The following NAPEPLD variants were observed in gnomAD, a reference collection of about 807,000 sequenced individuals.
NAPEPLD encodes N-acyl-phosphatidylethanolamine-hydrolyzing phospholipase D.
NAPEPLD carries 23 observed loss-of-function variants against 38.1 expected under a neutral mutation model. The observed-to-expected ratio is 0.60, with a 90% CI of 0.43 to 0.86. The LOEUF (loss-of-function observed/expected upper bound fraction) is 0.86, where lower values mean the gene tolerates loss of function less well. Among genes scored for constraint, NAPEPLD ranks in the 40% least tolerant of loss-of-function variants. The probability of loss-of-function intolerance (pLI) is 0.00; values close to 1 mark genes in which losing one functional copy is unlikely to be tolerated. For missense variants in NAPEPLD, 411 were observed against 476.8 expected, an observed-to-expected ratio of 0.86 and a Z score of 1.28; for synonymous variants, 147 against 162.0, an observed-to-expected ratio of 0.91 and a Z score of 0.71.
At position 103,101,797 on chromosome 7, in the gene NAPEPLD, ATAAAT is replaced by A; in HGVS notation, c.*1627_*1631del. The A allele has an allele frequency of 6.6e-6, 1 of 152,490 alleles. No individual in the cohort carries two copies. Among genetic ancestry groups the A allele is most frequent in the Middle Eastern group, 3.4e-3 (1 of 294 alleles). The allele number at this position is 152,490 out of a possible 1,614,324, so 9.4% of individuals were successfully genotyped here. A position where few individuals can be genotyped will look rare whatever the true frequency, so the allele number is the denominator to read the frequency against. ...TGGCACCACACATACAGGTGTGCAAATAAATTATAGAGCACTGCCTGGGTAGCATT... is the reference window on the plus strand; with the variant it reads ...TGGCACCACACATACAGGTGTGCAAATATAGAGCACTGCCTGGGTAGCATT... On this transcript the variant is annotated 3_prime_UTR_variant, in exon 5 of 5. Coordinates refer to ENST00000465647, the MANE Select transcript of NAPEPLD (RefSeq NM_001122838.3).
At position 103,120,079 on chromosome 7, in the gene NAPEPLD, C is replaced by G. The variant is rs1268776242; in HGVS notation, c.439G>C (p.Asp147His). 2 of 1,614,064 alleles carry G rather than the reference C, an allele frequency of 1.2e-6. No homozygotes were observed. Among genetic ancestry groups the G allele is most frequent in the African/African-American group, 2.7e-5 (2 of 74,920 alleles). Residue 147 changes from aspartate (D) to histidine (H), a missense_variant, in exon 3 of 5, where the codon GAT becomes CAT. Coordinates refer to ENST00000465647, the MANE Select transcript of NAPEPLD (RefSeq NM_001122838.3). Reference sequence around the variant, plus strand: ...GAAGCACGAGAGCTAAAGATGGGATCCGTGAGAAATATGAGCTCATCCATT... The same window carrying G: ...GAAGCACGAGAGCTAAAGATGGGATGCGTGAGAAATATGAGCTCATCCATT... ...VEMDELIFLT[D>H]PIFSSRASPS...
intron 1 of NAPEPLD, among the ~76,000 whole-genome samples, chr7:103,137,507 T>A (rs1810310706): frequency 6.6e-6 from 1 of 152,200 alleles, no homozygotes; most frequent in Non-Finnish European, 1.5e-5. Flanking sequence ...AATATCATGT[T>A]ACGGTAAATT....
At position 103,115,068 on chromosome 7, in the gene NAPEPLD, C is replaced by G; in HGVS notation, c.1048G>C (p.Ala350Pro). The change falls in exon 4 of 5, where the codon GCA (alanine) becomes CCA (proline). Residue 350 changes from alanine to proline, a missense_variant. By Grantham distance (27) the Ala-to-Pro change is conservative (BLOSUM62 -1). Coordinates refer to ENST00000465647, the MANE Select transcript of NAPEPLD (RefSeq NM_001122838.3). ...ATCGCAATCAAACTTACCTCATTTG[C>G]TAAGGCAAAAGTTCCCCAGTGAATT... ...MAIHWGTFAL[A>P]NEHYLEPPVK... 6.2e-7 allele frequency: 1 copy of G among 1,612,526 alleles called. No homozygotes were observed. The highest frequency in any genetic ancestry group is 8.5e-7 in the Non-Finnish European group (1 of 1,179,258).
intron 1 of NAPEPLD, among the ~76,000 whole-genome samples, chr7:103,142,852 C>T (rs918616025): frequency 1.4e-4 from 22 of 152,030 alleles, no homozygotes; most frequent in African/African-American, 4.8e-4. Context: ...TGCTAGGAGT[C>T]AAATAATAGA....
At chr7:103,113,055 C>T (rs921021023) in intron 4 of NAPEPLD, among the ~76,000 whole-genome samples, 4 of 152,170 alleles carry the variant, frequency 2.6e-5, no homozygotes, top group Non-Finnish European at 4.4e-5. Context: ...GCTATTGAAG[C>T]TAAAAATCTA....
intron 1 of NAPEPLD, among the ~76,000 whole-genome samples, chr7:103,144,080 T>C (rs1243479789): frequency 6.6e-6 from 1 of 152,238 alleles, no homozygotes; most frequent in Non-Finnish European, 1.5e-5. Flanking sequence ...CAGAGTTTAA[T>C]AGCTTCCATA....
At chr7:103,144,728 C>CTTTA (rs1812189797) in intron 1 of NAPEPLD, among the ~76,000 whole-genome samples, 1 of 151,712 alleles carries the variant, frequency 6.6e-6, no homozygotes, top group African/African-American at 2.4e-5. Context: ...GCATCTTAGG[C>CTTTA]CAGGTGTGGT....
intron 4 of NAPEPLD, among the ~76,000 whole-genome samples, chr7:103,111,246 C>T (rs542076806): frequency 1.6e-4 from 24 of 152,064 alleles, no homozygotes; most frequent in African/African-American, 5.1e-4. Flanking sequence ...CTTCACAGAA[C>T]TGGAAAAAAC....
Position 103,119,554 on chromosome 7 carries a change from G to T in NAPEPLD, c.941+23C>A, listed in dbSNP as rs188668895. The T allele has an allele frequency of 3.7e-5, 58 of 1,581,446 alleles. No homozygotes were observed. In the East Asian group the frequency reaches 1.3e-3, roughly 35 times the overall value. On this transcript the variant is annotated intron_variant, in intron 3 of 4. Coordinates refer to ENST00000465647, the MANE Select transcript of NAPEPLD (RefSeq NM_001122838.3). ...AGTTAATTTATCACATAGCAGGAAT[G>T]TTTTCTTTGGAAGTCTACATACCTC... is the stretch of plus-strand genomic sequence containing the variant.
At chr7:103,125,820 G>A (rs1807640691) in intron 2 of NAPEPLD, among the ~76,000 whole-genome samples, 2 of 152,090 alleles carry the variant, frequency 1.3e-5, no homozygotes, top group Admixed American at 6.5e-5. Flanking sequence ...CCGGGAGGCA[G>A]AGGTTGCAGT....
intron 4 of NAPEPLD, among the ~76,000 whole-genome samples, chr7:103,112,216 C>A (rs190470596): frequency 2.6e-5 from 4 of 152,034 alleles, no homozygotes; most frequent in Non-Finnish European, 4.4e-5. Flanking sequence ...GGATCTGGAA[C>A]CAGAAATACC....
intron 1 of NAPEPLD, among the ~76,000 whole-genome samples, chr7:103,130,825 G>C (rs1434378391): frequency 6.6e-6 from 1 of 152,036 alleles, no homozygotes; most frequent in Non-Finnish European, 1.5e-5. Flanking sequence ...TGGAACTCCT[G>C]GGCTCAAGCA....
At chr7:103,149,273 ACTCACCTC>A (rs1275199937), upstream of NAPEPLD, 2 of 1,038,190 alleles carry the variant, frequency 1.9e-6, no homozygotes, top group Admixed American at 6.1e-5. Flanking sequence ...GGGGGTGCGG[ACTCACCTC>A]GCGCTTGGGG....
At chr7:103,149,265 G>A (rs1195315608), upstream of NAPEPLD, 13 of 1,002,476 alleles carry the variant, frequency 1.3e-5, no homozygotes, top group South Asian at 4.1e-5. Flanking sequence ...GCGAGCGCGG[G>A]GGTGCGGACT....
rs150583297 is a variant in NAPEPLD at position 103,113,842 on chromosome 7, G to A, written c.1056+1218C>T. On this transcript the variant is annotated intron_variant, in intron 4 of 4. Transcript: ENST00000465647. ...TCATCATGTTGGCCAGGCTGGTCTCGAACTCCTGACCTCAGGTGATCCACC... is the reference window on the plus strand; with the variant it reads ...TCATCATGTTGGCCAGGCTGGTCTCAAACTCCTGACCTCAGGTGATCCACC... Among the ~76,000 whole-genome samples, 884 of 151,420 alleles carry A rather than the reference G, an allele frequency of 5.8e-3. 16 individuals are homozygous for A. Among genetic ancestry groups the A allele is most frequent in the African/African-American group, 0.02 (834 of 41,162 alleles).
chr7:103,101,389 A>G lies in NAPEPLD; in HGVS notation c.*2040T>C, dbSNP rs1304154482. ...TCGCATCTTTGTAGATAAACACTAA[A>G]TTTTGATAAAGATTATTTACACTTA... On this transcript the variant is annotated 3_prime_UTR_variant, in exon 5 of 5. Coordinates refer to ENST00000465647, the MANE Select transcript of NAPEPLD (RefSeq NM_001122838.3). 2 of 152,168 alleles carry G rather than the reference A, an allele frequency of 1.3e-5. No individual in the cohort carries two copies. Among genetic ancestry groups the G allele is most frequent in the African/African-American group, 4.8e-5 (2 of 41,446 alleles). 9.4% of individuals were successfully genotyped at this position (152,168 alleles called of 1,614,324 possible).
rs371588129 is a variant in NAPEPLD at position 103,148,941 on chromosome 7, G to A, written c.-147C>T. The A allele has an allele frequency of 1.4e-5, 14 of 985,302 alleles. 1 individual carries two copies. The highest frequency in any genetic ancestry group is 5.2e-4 in the Middle Eastern group (1 of 1,936). The allele number at this position is 985,302 out of a possible 1,614,324, so 61.0% of individuals were successfully genotyped here. ...TCTTCACCGAGGCAGCTTCAGAGAT[G>A]CAGGCTCCGCAACTCGCGAGGTGCG... On this transcript the variant is annotated 5_prime_UTR_variant, in exon 1 of 5. Transcript: ENST00000465647.
At position 103,148,958 on chromosome 7, in the gene NAPEPLD, C is replaced by A. The variant is rs1246849602; in HGVS notation, c.-164G>T. On this transcript the variant is annotated 5_prime_UTR_variant, in exon 1 of 5. Coordinates refer to ENST00000465647, the MANE Select transcript of NAPEPLD (RefSeq NM_001122838.3). Reference sequence around the variant, plus strand: ...TCAGAGATGCAGGCTCCGCAACTCGCGAGGTGCGAAAATTCAAATGAAGCC... The same window carrying A: ...TCAGAGATGCAGGCTCCGCAACTCGAGAGGTGCGAAAATTCAAATGAAGCC... 8 of 985,356 alleles carry A rather than the reference C, an allele frequency of 8.1e-6. No individual in the cohort carries two copies. Among genetic ancestry groups the A allele is most frequent in the Non-Finnish European group, 9.6e-6 (8 of 829,924 alleles). The allele number at this position is 985,356 out of a possible 1,614,324, so 61.0% of individuals were successfully genotyped here. A position where few individuals can be genotyped will look rare whatever the true frequency, so the allele number is the denominator to read the frequency against.
chr7:103,100,289 A>G lies in NAPEPLD; in HGVS notation c.*3140T>C, dbSNP rs1488509676. 6.6e-6 allele frequency: 1 copy of G among 152,194 alleles called. No homozygotes were observed. The highest frequency in any genetic ancestry group is 1.9e-4 in the East Asian group (1 of 5,202). 9.4% of individuals were successfully genotyped at this position (152,194 alleles called of 1,614,324 possible). ...ATGAAAGCATATTCATTAAATATGA[A>G]ACTATGCATACATTAAAAACCAGGA... On this transcript the variant is annotated 3_prime_UTR_variant, in exon 5 of 5. Transcript: ENST00000465647.
Sources: allele counts gnomAD v4.1 joint callset (sites outside exome capture counted in the v4.1 genomes callset), GRCh38; gene constraint gnomAD v4.1.1; transcripts MANE v1.5; gene names NCBI Gene and HGNC (gene_info 2026-07-23, HGNC 2026-07-21).